SPSB1: variants seen among roughly 807,000 people sequenced by gnomAD.
SPSB1 encodes the protein splA/ryanodine receptor domain and SOCS box containing 1.
Under a neutral mutation model 21.2 loss-of-function variants are expected in SPSB1, and 8 were observed. The observed-to-expected ratio is 0.38, with a 90% CI of 0.22 to 0.68. The LOEUF (loss-of-function observed/expected upper bound fraction) is 0.68. SPSB1 is among the 30% of genes least tolerant of loss of function. SPSB1 has a pLI of 0.53. For missense variants in SPSB1, 242 were observed against 377.8 expected (o/e 0.64, Z 2.98); for synonymous variants, 169 against 161.7 (o/e 1.05, Z -0.34).
chr1:9,330,882 C>T (rs907026430), intron 1 of SPSB1, among the ~76,000 whole-genome samples: 1 of 152,062 alleles, frequency 6.6e-6, no homozygotes, highest in Non-Finnish European at 1.5e-5. Context: ...ATCAGTGATA[C>T]CCAAGGGTTC....
intron 1 of SPSB1, among the ~76,000 whole-genome samples, chr1:9,355,256 A>T (rs1306303060): frequency 6.6e-6 from 1 of 152,200 alleles, no homozygotes; most frequent in Non-Finnish European, 1.5e-5. Context: ...TGCCAGAGAC[A>T]GGGAGGAGGA....
At chr1:9,295,789 C>T (rs1034450150) in intron 1 of SPSB1, among the ~76,000 whole-genome samples, 4 of 152,164 alleles carry the variant, frequency 2.6e-5, no homozygotes, top group African/African-American at 7.2e-5. Context: ...CTGATTCTTA[C>T]GGTGTTCATG....
rs181603472 is a variant in SPSB1, at chr1:9,350,454, C to G, written c.-149-5289C>G. On this transcript the variant is annotated intron_variant, in intron 1 of 2. Transcript: ENST00000328089. The stretch of plus-strand genomic sequence containing the variant: ...GTGCTTTTGGGGATGAAAACTTTCA[C>G]TAAGGGAATGGAGAGCAGGCGCCGC... 1.6e-3 allele frequency among the ~76,000 whole-genome samples: 251 copies of G among 152,336 alleles called. 1 individual carries two copies. Among genetic ancestry groups the G allele is most frequent in the African/African-American group, 5.8e-3 (241 of 41,576 alleles).
chr1:9,336,134 C>T (rs1404775200), intron 1 of SPSB1, among the ~76,000 whole-genome samples: 2 of 152,130 alleles, frequency 1.3e-5, no homozygotes, highest in African/African-American at 2.4e-5. Flanking sequence ...GTGAGCAGTG[C>T]TCTCTCATGT....
chr1:9,306,341 G>A (rs1639410736), intron 1 of SPSB1, among the ~76,000 whole-genome samples: 1 of 152,200 alleles, frequency 6.6e-6, no homozygotes, highest in Admixed American at 6.5e-5. Flanking sequence ...GGAGTGGGAG[G>A]GATAACCAGT....
At chr1:9,334,457 G>A (rs1363520927) in intron 1 of SPSB1, among the ~76,000 whole-genome samples, 2 of 152,206 alleles carry the variant, frequency 1.3e-5, no homozygotes, top group African/African-American at 4.8e-5. Context: ...CTGGCCTCAA[G>A]TGATCCGCCT....
Position 9,353,182 on chromosome 1 carries a change from C to T in SPSB1, c.-149-2561C>T, listed in dbSNP as rs372154604. ...TCCATGCAGCTCTGACCTCGAGAGC[C>T]GCCTCAGCCCGCCCGGCCCCTCGAG... On this transcript the variant is annotated intron_variant, in intron 1 of 2. Transcript: ENST00000328089. Among the ~76,000 whole-genome samples, 33 of 151,814 alleles carry T rather than the reference C, an allele frequency of 2.2e-4. 1 individual carries two copies. The highest frequency in any genetic ancestry group is 7.2e-4 in the African/African-American group (30 of 41,416).
chr1:9,313,298 G>A (rs1639554937), intron 1 of SPSB1, among the ~76,000 whole-genome samples: 1 of 152,194 alleles, frequency 6.6e-6, no homozygotes, highest in South Asian at 2.1e-4. Flanking sequence ...TACTTGGGAG[G>A]CTGAGGCAGG....
At chr1:9,360,969 A>G (rs984906234) in intron 2 of SPSB1, among the ~76,000 whole-genome samples, 1 of 151,964 alleles carries the variant, frequency 6.6e-6, no homozygotes, top group South Asian at 2.1e-4. Flanking sequence ...CGTCACCCCT[A>G]CCGATGCTGG....
intron 2 of SPSB1, among the ~76,000 whole-genome samples, chr1:9,359,191 G>T (rs1209298193): frequency 6.6e-6 from 1 of 152,218 alleles, no homozygotes; most frequent in Admixed American, 6.5e-5. Flanking sequence ...ACATGAATGG[G>T]CCCTGGGCCA....
chr1:9,313,864 C>T (rs893475542), intron 1 of SPSB1, among the ~76,000 whole-genome samples: 14 of 152,188 alleles, frequency 9.2e-5, no homozygotes, highest in Non-Finnish European at 5.9e-5. Flanking sequence ...GAATCTCCTG[C>T]TTTTCCCTAT....
chr1:9,360,387 C>T (rs1256232880), intron 2 of SPSB1, among the ~76,000 whole-genome samples: 1 of 152,118 alleles, frequency 6.6e-6, no homozygotes, highest in East Asian at 1.9e-4. Flanking sequence ...TCAGGGGGCA[C>T]GGGAGGAGCC....
intron 2 of SPSB1, among the ~76,000 whole-genome samples, chr1:9,365,956 T>A (rs1237632911): frequency 6.6e-6 from 1 of 152,218 alleles, no homozygotes; most frequent in Non-Finnish European, 1.5e-5. Flanking sequence ...GGGTCTGCTC[T>A]GGCGAAGCGG....
chr1:9,313,880 T>G (rs967693570), intron 1 of SPSB1, among the ~76,000 whole-genome samples: 3 of 151,848 alleles, frequency 2.0e-5, no homozygotes, highest in Non-Finnish European at 4.4e-5. Context: ...CCTATAGGAG[T>G]GAACAAGACA....
At chr1:9,307,447 C>T (rs1221679320) in intron 1 of SPSB1, among the ~76,000 whole-genome samples, 7 of 152,198 alleles carry the variant, frequency 4.6e-5, no homozygotes, top group African/African-American at 1.7e-4. Flanking sequence ...TCTGATTTGA[C>T]GGGTTTGCCT....
intron 1 of SPSB1, among the ~76,000 whole-genome samples, chr1:9,301,403 G>C (rs1639327487): frequency 6.6e-6 from 1 of 152,190 alleles, no homozygotes. Flanking sequence ...GGGAGGCTGA[G>C]GTGGGAGGAT....
At chr1:9,366,764 G>A (rs1488818458) in intron 2 of SPSB1, among the ~76,000 whole-genome samples, 1 of 152,214 alleles carries the variant, frequency 6.6e-6, no homozygotes, top group Admixed American at 6.5e-5. Context: ...AGTAGAGACG[G>A]GGTTTCACCA....
At chr1:9,306,313 T>A (rs1639410345) in intron 1 of SPSB1, among the ~76,000 whole-genome samples, 1 of 152,182 alleles carries the variant, frequency 6.6e-6, no homozygotes, top group African/African-American at 2.4e-5. Flanking sequence ...CGGAGAGCAT[T>A]TGGAGCACAG....
In SPSB1 at chr1:9,348,873, A is replaced by T. The variant is rs1185031115; in HGVS notation, c.-149-6870A>T. ...ACCCCGTCCCATGGCTGCTCTGGAA[A>T]CACTGGGTTGAGGGCTTTTGCCGTC... is the stretch of plus-strand genomic sequence containing the variant. On this transcript the variant is annotated intron_variant, in intron 1 of 2. Transcript: ENST00000328089. The surrounding 1 kb of genome is among the most constrained non-coding windows in gnomAD (Gnocchi z 4.8). Among the ~76,000 whole-genome samples, 1 of 151,818 alleles carries T rather than the reference A, an allele frequency of 6.6e-6. No individual in the cohort carries two copies. The highest frequency in any genetic ancestry group is 2.1e-4 in the South Asian group (1 of 4,816).
Sources: allele counts gnomAD v4.1 joint callset (sites outside exome capture counted in the v4.1 genomes callset), GRCh38; gene constraint gnomAD v4.1.1; non-coding constraint Gnocchi (gnomAD v3.1); transcripts MANE v1.5; gene names NCBI Gene and HGNC (gene_info 2026-07-23, HGNC 2026-07-21).